The following TRIM2 variants were observed in gnomAD, a reference collection of about 807,000 sequenced individuals.
The protein encoded by TRIM2 is tripartite motif-containing protein 2.
In TRIM2, 20 loss-of-function variants were observed where a neutral mutation model predicts 75.2. That is an observed-to-expected ratio of 0.27 (90% CI 0.19 to 0.39). TRIM2 has a LOEUF of 0.39. TRIM2 is among the 10% of genes least tolerant of loss of function. The probability of loss-of-function intolerance (pLI) is 1.00; values close to 1 mark genes in which losing one functional copy is unlikely to be tolerated. For missense variants in TRIM2, 660 were observed against 990.8 expected (o/e 0.67, Z 4.48); for synonymous variants, 373 against 388.3 (o/e 0.96, Z 0.46).
chr4:153,298,760 G>A (rs1763263264), intron 6 of TRIM2, among the ~76,000 whole-genome samples: 1 of 152,118 alleles, frequency 6.6e-6, no homozygotes, highest in Admixed American at 6.5e-5. Context: ...TTGAAACAGG[G>A]CCTTGCTCTG....
chr4:153,260,543 C>T (rs536390212), intron 1 of TRIM2, among the ~76,000 whole-genome samples: 1 of 151,986 alleles, frequency 6.6e-6, no homozygotes, highest in Non-Finnish European at 1.5e-5. Flanking sequence ...ACCAGTTCAT[C>T]TGAGGAAGCT....
chr4:153,324,657 A>G (rs1249517140), intron 10 of TRIM2, among the ~76,000 whole-genome samples: 2 of 152,222 alleles, frequency 1.3e-5, no homozygotes, highest in Non-Finnish European at 1.5e-5. Flanking sequence ...GACCTATAGT[A>G]TATCTTTCTT....
intron 1 of TRIM2, among the ~76,000 whole-genome samples, chr4:153,183,290 A>G (rs1038306063): frequency 6.6e-6 from 1 of 152,238 alleles, no homozygotes; most frequent in Non-Finnish European, 1.5e-5. Context: ...TGACAGTTGC[A>G]TTATTTCACA....
intron 3 of TRIM2, among the ~76,000 whole-genome samples, chr4:153,277,224 C>T (rs78410345): frequency 0.027 from 4,084 of 152,274 alleles, 86 homozygotes; most frequent in Non-Finnish European, 0.04. Flanking sequence ...TTCCTTCTGC[C>T]TGGGTTGCTC....
At chr4:153,216,853 G>A (rs947804164) in intron 1 of TRIM2, among the ~76,000 whole-genome samples, 1 of 152,134 alleles carries the variant, frequency 6.6e-6, no homozygotes, top group African/African-American at 2.4e-5. Context: ...GTTCATGAAA[G>A]GGGAGCCCTC....
chr4:153,333,760 T>C (rs980275897), intron 11 of TRIM2, among the ~76,000 whole-genome samples: 2 of 152,132 alleles, frequency 1.3e-5, no homozygotes, highest in African/African-American at 4.8e-5. Context: ...ATAATACGAA[T>C]TGTAAAAATA....
chr4:153,254,927 C>G (rs1751697286), intron 1 of TRIM2, among the ~76,000 whole-genome samples: 1 of 152,132 alleles, frequency 6.6e-6, no homozygotes, highest in Non-Finnish European at 1.5e-5. Context: ...CACCTTTACC[C>G]CAGGCTTCAG....
chr4:153,315,561 T>C lies in TRIM2; in HGVS notation c.1587T>C (p.Ile529=). Reference sequence around the variant, plus strand: ...CATCTACAAATGGAAAGATATTAATTGCAGACAGTAACAACCAATGTGTGC... The same window carrying C: ...CATCTACAAATGGAAAGATATTAATCGCAGACAGTAACAACCAATGTGTGC... ...VAASTNGKIL[I]ADSNNQCVQI... The change falls in exon 7 of 12, where the codon ATT becomes ATC. Residue 529 remains isoleucine (I), a synonymous_variant. Coordinates refer to ENST00000338700, the MANE Select transcript of TRIM2 (RefSeq NM_015271.5). 5.0e-6 allele frequency: 8 copies of C among 1,611,698 alleles called. No individual in the cohort carries two copies. Among genetic ancestry groups the C allele is most frequent in the Non-Finnish European group, 6.8e-6 (8 of 1,179,432 alleles).
At chr4:153,278,845 T>C (rs1179370090) in intron 3 of TRIM2, among the ~76,000 whole-genome samples, 2 of 149,956 alleles carry the variant, frequency 1.3e-5, no homozygotes, top group Non-Finnish European at 3.0e-5. Context: ...GTTACCTCCA[T>C]AAGTAAAGTG....
chr4:153,313,566 A>C (rs1055502060), intron 6 of TRIM2, among the ~76,000 whole-genome samples: 5 of 151,726 alleles, frequency 3.3e-5, no homozygotes, highest in African/African-American at 1.2e-4. Flanking sequence ...CCACCAGTGC[A>C]TCCTTGTCTA....
intron 1 of TRIM2, among the ~76,000 whole-genome samples, chr4:153,154,792 A>G (rs906951196): frequency 7.2e-5 from 11 of 152,054 alleles, no homozygotes; most frequent in African/African-American, 2.2e-4. Flanking sequence ...GGCCCTGGGG[A>G]AAGATTGATG....
At chr4:153,234,480 T>G (rs1744495020) in intron 1 of TRIM2, among the ~76,000 whole-genome samples, 1 of 152,188 alleles carries the variant, frequency 6.6e-6, no homozygotes, top group African/African-American at 2.4e-5. Flanking sequence ...TTCAGTGAAA[T>G]ATATGTATCT....
At chr4:153,317,550 G>A (rs1579666933) in intron 8 of TRIM2, among the ~76,000 whole-genome samples, 4 of 151,986 alleles carry the variant, frequency 2.6e-5, no homozygotes, top group Admixed American at 2.6e-4. Flanking sequence ...TGGGGAGGCT[G>A]AGACAGCAGA....
intron 1 of TRIM2, among the ~76,000 whole-genome samples, chr4:153,212,698 C>G (rs1173869723): frequency 6.6e-6 from 1 of 152,130 alleles, no homozygotes; most frequent in Non-Finnish European, 1.5e-5. Context: ...GAGGTGGATG[C>G]AGACTGGAGA....
chr4:153,286,736 C>T (rs1760702630), intron 3 of TRIM2, among the ~76,000 whole-genome samples: 1 of 151,848 alleles, frequency 6.6e-6, no homozygotes, highest in Non-Finnish European at 1.5e-5. Flanking sequence ...CACACCACCC[C>T]TGCCACACAC....
chr4:153,188,749 CAA>C (rs78429668), intron 1 of TRIM2, among the ~76,000 whole-genome samples: 18 of 125,266 alleles, frequency 1.4e-4, no homozygotes, highest in Admixed American at 2.4e-4. Flanking sequence ...TCCCTGAAAA[CAA>C]AAAAAAAAAA....
At chr4:153,214,452 A>G (rs1579634435) in intron 1 of TRIM2, among the ~76,000 whole-genome samples, 1 of 152,372 alleles carries the variant, frequency 6.6e-6, no homozygotes, top group African/African-American at 2.4e-5. Flanking sequence ...AGACAGTATC[A>G]GGTATCTGTA....
intron 3 of TRIM2, among the ~76,000 whole-genome samples, chr4:153,289,558 G>A (rs72729625): frequency 0.063 from 9,624 of 152,056 alleles, 411 homozygotes; most frequent in Middle Eastern, 0.12. Flanking sequence ...TACATTTTTC[G>A]CGACTCTATA....
intron 11 of TRIM2, among the ~76,000 whole-genome samples, 172 bp downstream of exon 11, chr4:153,328,842 A>C (rs925164754): frequency 6.6e-6 from 1 of 152,210 alleles, no homozygotes. Flanking sequence ...AAAAAATGTT[A>C]CCAGACTGAA....
Sources: gnomAD v4.1 joint callset for allele counts (sites outside exome capture counted in the v4.1 genomes callset) on GRCh38, gnomAD v4.1.1 for gene constraint, MANE v1.5 for transcripts, NCBI Gene and HGNC (gene_info 2026-07-23, HGNC 2026-07-21) for gene names.